GLT8D2: variants seen among roughly 807,000 people sequenced by gnomAD.
GLT8D2 encodes the protein glycosyltransferase 8 domain containing 2, also known as glycosyltransferase 8 domain-containing protein 2.
Under a neutral mutation model 44.5 loss-of-function variants are expected in GLT8D2, and 45 were observed. The ratio of observed to expected loss-of-function variants is 1.01; its 90% CI spans 0.80 to 1.30. The LOEUF is 1.30. Ranked by LOEUF, GLT8D2 falls within the 50% of genes most tolerant of loss-of-function variation. The pLI is 0.00. For synonymous variants in GLT8D2, 156 were observed against 157.2 expected (o/e 0.99, Z 0.06); for missense variants, 400 against 430.4 (o/e 0.93, Z 0.62).
chr12:104,062,200 A>G (rs780684808), intron 1 of GLT8D2, among the ~76,000 whole-genome samples: 1 of 151,468 alleles, frequency 6.6e-6, no homozygotes, highest in Non-Finnish European at 1.5e-5. Flanking sequence ...CAGCCTCCCA[A>G]GTAGCTGGGA....
rs551918846 is a variant in GLT8D2, at chr12:104,007,737, T to C, written c.113-4431A>G. Reference sequence around the variant, plus strand: ...AACCATGATATGGTATGGCTCTGTGTCCTCACCAAAATCTCATCATGAATT... The same window carrying C: ...AACCATGATATGGTATGGCTCTGTGCCCTCACCAAAATCTCATCATGAATT... On this transcript the variant is annotated intron_variant, in intron 4 of 10. Coordinates refer to ENST00000360814, the MANE Select transcript of GLT8D2 (RefSeq NM_001384711.1). Among the ~76,000 whole-genome samples the C allele has an allele frequency of 2.6e-5, 4 of 152,302 alleles. No homozygotes were observed. The South Asian group carries it at 8.3e-4, about 32-fold the overall frequency.
At chr12:104,009,899 G>A (rs1027517674) in intron 4 of GLT8D2, among the ~76,000 whole-genome samples, 2 of 152,042 alleles carry the variant, frequency 1.3e-5, no homozygotes, top group African/African-American at 4.8e-5. Flanking sequence ...TGATTCTGAG[G>A]CCTCCCCAGC....
At chr12:104,053,037 C>T (rs937880418), upstream of GLT8D2, among the ~76,000 whole-genome samples, 3 of 152,146 alleles carry the variant, frequency 2.0e-5, no homozygotes, top group African/African-American at 7.2e-5. Context: ...CACACATGAG[C>T]GAAAATAAGA....
intron 1 of GLT8D2, among the ~76,000 whole-genome samples, chr12:104,043,382 G>A (rs1179733337): frequency 6.6e-6 from 1 of 152,090 alleles, no homozygotes; most frequent in Non-Finnish European, 1.5e-5. Flanking sequence ...AGTAATCCAC[G>A]TGTCCAAAAC....
chr12:104,025,312 G>A (rs866328833), intron 1 of GLT8D2, among the ~76,000 whole-genome samples: 1 of 151,710 alleles, frequency 6.6e-6, no homozygotes. Context: ...AGGCTCAAAC[G>A]ATTCTCCTAC....
At chr12:104,053,537 G>T (rs1173202332), upstream of GLT8D2, among the ~76,000 whole-genome samples, 8 of 152,172 alleles carry the variant, frequency 5.3e-5, no homozygotes. Flanking sequence ...TGCATGTAAG[G>T]CACTCAATAA....
intron 4 of GLT8D2, among the ~76,000 whole-genome samples, chr12:104,004,564 C>T (rs1393890903): frequency 6.6e-6 from 1 of 152,304 alleles, no homozygotes; most frequent in East Asian, 1.9e-4. Flanking sequence ...GCAAAAATCA[C>T]AAGCATTCTT....
chr12:104,016,885 A>AGAAAGAAAGAAAG (rs1379732016), intron 3 of GLT8D2, among the ~76,000 whole-genome samples: 1 of 138,292 alleles, frequency 7.2e-6, no homozygotes, highest in East Asian at 2.1e-4. Context: ...AAAGAAAGAA[A>AGAAAGAAAGAAAG]AATAAAGAGA....
intron 1 of GLT8D2, among the ~76,000 whole-genome samples, chr12:104,060,476 G>T (rs1041585469): frequency 7.9e-5 from 12 of 152,216 alleles, no homozygotes; most frequent in African/African-American, 2.9e-4. Flanking sequence ...GTCATAGATT[G>T]AATTGTATCT....
intron 1 of GLT8D2, among the ~76,000 whole-genome samples, chr12:104,045,599 T>C (rs1880996742): frequency 1.3e-5 from 2 of 152,108 alleles, no homozygotes; most frequent in Admixed American, 6.6e-5. Context: ...AATAAGCCCC[T>C]GAAGACCTTG....
intron 1 of GLT8D2, among the ~76,000 whole-genome samples, chr12:104,061,207 T>G (rs919811038): frequency 3.3e-5 from 5 of 152,214 alleles, no homozygotes; most frequent in Admixed American, 2.6e-4. Context: ...ACACATTTCC[T>G]CATCACCCTG....
At chr12:104,014,839 C>T (rs1014161046) in intron 4 of GLT8D2, among the ~76,000 whole-genome samples, 174 bp downstream of exon 4, 2 of 152,198 alleles carry the variant, frequency 1.3e-5, no homozygotes, top group African/African-American at 4.8e-5. Flanking sequence ...ATAGCACCGA[C>T]CATCCTAGGG....
chr12:103,997,676 G>T, intron 6 of GLT8D2, 141 bp from the exon 7 acceptor site: 1 of 630,950 alleles, frequency 1.6e-6, no homozygotes, highest in Non-Finnish European at 2.9e-6. Context: ...CTAGCAAGAT[G>T]TCTCATCTGA....
intron 3 of GLT8D2, among the ~76,000 whole-genome samples, chr12:104,017,768 G>A (rs1877081788): frequency 6.6e-6 from 1 of 152,184 alleles, no homozygotes; most frequent in Non-Finnish European, 1.5e-5. Context: ...TTTGAAGTCA[G>A]ACTCAAATCT....
intron 1 of GLT8D2, among the ~76,000 whole-genome samples, chr12:104,046,344 CACA>C (rs1387455735): frequency 2.0e-5 from 3 of 152,306 alleles, no homozygotes; most frequent in Non-Finnish European, 1.5e-5. Context: ...CACGGATTAT[CACA>C]ACAACTCCTT....
intron 4 of GLT8D2, chr12:104,012,628 C>T (rs1046017073): frequency 2.1e-6 from 1 of 466,944 alleles, no homozygotes; most frequent in African/African-American, 2.0e-5. Flanking sequence ...TATGTGACTT[C>T]CTTCTCTCTC....
chr12:104,034,095 A>G (rs1879661409), intron 1 of GLT8D2, among the ~76,000 whole-genome samples: 1 of 152,212 alleles, frequency 6.6e-6, no homozygotes, highest in Admixed American at 6.5e-5. Flanking sequence ...CAATAACTTT[A>G]TGTCATTTTA....
chr12:104,037,315 G>A (rs1392529501), intron 1 of GLT8D2, among the ~76,000 whole-genome samples: 2 of 152,140 alleles, frequency 1.3e-5, no homozygotes, highest in Non-Finnish European at 2.9e-5. Flanking sequence ...ACTAAGATCA[G>A]AGCAGAACTG....
At chr12:103,992,974 A>ATAGG (rs1593526034) in intron 10 of GLT8D2, among the ~76,000 whole-genome samples, 1 of 152,142 alleles carries the variant, frequency 6.6e-6, no homozygotes, top group Non-Finnish European at 1.5e-5. Flanking sequence ...GAGGATTTCA[A>ATAGG]TTGAACAACC....
Sources: allele counts gnomAD v4.1 joint callset (sites outside exome capture counted in the v4.1 genomes callset), GRCh38; gene constraint gnomAD v4.1.1; transcripts MANE v1.5; gene names NCBI Gene and HGNC (gene_info 2026-07-23, HGNC 2026-07-21).